FRMPD4: variants seen among roughly 807,000 people sequenced by gnomAD.
The protein encoded by FRMPD4 is FERM and PDZ domain-containing protein 4.
FRMPD4 carries 22 observed loss-of-function variants against 94.1 expected under a neutral mutation model. That is an observed-to-expected ratio of 0.23 (90% CI 0.17 to 0.33). FRMPD4 has a LOEUF of 0.33. Ranked by LOEUF, FRMPD4 falls within the 10% of genes least tolerant of loss-of-function variation. The probability of loss-of-function intolerance (pLI) is 1.00; values close to 1 mark genes in which losing one functional copy is unlikely to be tolerated. For missense variants in FRMPD4, 1,111 were observed against 1,339.9 expected (o/e 0.83, Z 2.67); for synonymous variants, 631 against 548.6 (o/e 1.15, Z -2.10).
In FRMPD4 at chrX:12,379,472, AAAAT is replaced by A. The variant is rs201872471; in HGVS notation, c.42-119201_42-119198del. ...TACTTATCATATAAATTGCAATTTAAAAATAAATAAGTCTGCTGCTCTTTAGATC... is the reference window on the plus strand; with the variant it reads ...TACTTATCATATAAATTGCAATTTAAAAATAAGTCTGCTGCTCTTTAGATC... On this transcript the variant is annotated intron_variant, in intron 1 of 16. Transcript: ENST00000675598. 9.5e-3 allele frequency among the ~76,000 whole-genome samples: 1,065 copies of A among 112,114 alleles called. 8 individuals carry two copies. The highest frequency in any genetic ancestry group is 0.031 in the African/African-American group (974 of 30,925).
intron 4 of FRMPD4, among the ~76,000 whole-genome samples, chrX:12,654,118 A>G (rs2059628487): frequency 8.9e-6 from 1 of 112,241 alleles, no homozygotes; most frequent in African/African-American, 3.2e-5. Flanking sequence ...AGATGAAAAA[A>G]AAATGAAACC....
chrX:12,676,985 C>G (rs906138346), intron 5 of FRMPD4, among the ~76,000 whole-genome samples: 3 of 111,934 alleles, frequency 2.7e-5, no homozygotes, highest in Non-Finnish European at 5.6e-5. Flanking sequence ...AGTCCCACCA[C>G]CTCCTCGGCC....
chrX:12,085,547 T>G (rs2055101493), intron 3 of FRMPD4, among the ~76,000 whole-genome samples: 1 of 110,660 alleles, frequency 9.0e-6, no homozygotes. Context: ...CTTAAAGAAA[T>G]TAGTGAATTA....
At chrX:12,076,796 C>T (rs1288059724) in intron 3 of FRMPD4, among the ~76,000 whole-genome samples, 1 of 111,264 alleles carries the variant, frequency 9.0e-6, no homozygotes, top group Non-Finnish European at 1.9e-5. Flanking sequence ...TCAAATTCCA[C>T]AAAACAACTC....
chrX:12,152,690 A>G (rs2055872487), intron 1 of FRMPD4, among the ~76,000 whole-genome samples: 1 of 111,559 alleles, frequency 9.0e-6, no homozygotes, highest in African/African-American at 3.2e-5. Flanking sequence ...TTATACAAGT[A>G]TAATAGAAAT....
intron 3 of FRMPD4, among the ~76,000 whole-genome samples, chrX:12,058,384 A>T (rs756719158): frequency 3.4e-4 from 38 of 111,059 alleles, no homozygotes; most frequent in Non-Finnish European, 6.0e-4. Flanking sequence ...GAGATGGGGG[A>T]ATGAGGGGAT....
At chrX:12,287,651 G>A (rs2054621769) in intron 1 of FRMPD4, among the ~76,000 whole-genome samples, 1 of 111,850 alleles carries the variant, frequency 8.9e-6, no homozygotes, top group Non-Finnish European at 1.9e-5. Flanking sequence ...GTGTTGAGTT[G>A]AGACCAAGTG....
chrX:12,595,651 C>G (rs1028696093), intron 2 of FRMPD4, among the ~76,000 whole-genome samples: 11 of 112,007 alleles, frequency 9.8e-5, no homozygotes, highest in African/African-American at 3.2e-4. Flanking sequence ...TAAAAATGTT[C>G]TTTGAGTTCT....
chrX:12,464,100 A>G (rs2057424809), intron 1 of FRMPD4, among the ~76,000 whole-genome samples: 1 of 111,853 alleles, frequency 8.9e-6, no homozygotes, highest in African/African-American at 3.2e-5. Context: ...GCTGACCCCT[A>G]GTATAGAACT....
intron 4 of FRMPD4, among the ~76,000 whole-genome samples, chrX:12,659,776 A>G (rs1248603828): frequency 1.8e-5 from 2 of 112,594 alleles, no homozygotes; most frequent in African/African-American, 6.4e-5. Flanking sequence ...CCTTTTATAC[A>G]TTTTAAATAG....
At chrX:12,388,850 T>TATATATAC (rs1491368741) in intron 1 of FRMPD4, among the ~76,000 whole-genome samples, 57 of 73,450 alleles carry the variant, frequency 7.8e-4, no homozygotes, top group African/African-American at 3.3e-3. Context: ...TATATATATA[T>TATATATAC]ACACACAATG....
At chrX:12,220,652 G>A (rs2056855379) in intron 1 of FRMPD4, among the ~76,000 whole-genome samples, 1 of 111,730 alleles carries the variant, frequency 9.0e-6, no homozygotes, top group Non-Finnish European at 1.9e-5. Flanking sequence ...TGTGTTCCCA[G>A]GAAATGAAAT....
chrX:12,715,256 T>A (rs961663463), intron 14 of FRMPD4, among the ~76,000 whole-genome samples: 2 of 112,151 alleles, frequency 1.8e-5, no homozygotes, highest in Non-Finnish European at 3.8e-5. Flanking sequence ...GTATTTAAAT[T>A]GGGGTTTTGT....
At chrX:12,328,469 T>C (rs1397506220) in intron 1 of FRMPD4, among the ~76,000 whole-genome samples, 1 of 111,530 alleles carries the variant, frequency 9.0e-6, no homozygotes, top group Non-Finnish European at 1.9e-5. Flanking sequence ...TTGACTGCAG[T>C]TGTGTGAGTG....
At chrX:12,198,097 T>G (rs1436138665) in intron 1 of FRMPD4, among the ~76,000 whole-genome samples, 1 of 112,156 alleles carries the variant, frequency 8.9e-6, no homozygotes, top group Non-Finnish European at 1.9e-5. Flanking sequence ...AGATTAATTC[T>G]AAATTTAATG....
chrX:12,250,368 A>G (rs938916789), intron 1 of FRMPD4, among the ~76,000 whole-genome samples: 5 of 111,283 alleles, frequency 4.5e-5, no homozygotes, highest in African/African-American at 1.6e-4. Context: ...TTCATGGCAA[A>G]ATAGACAGAT....
chrX:11,860,227 T>G (rs72612860), intron 1 of FRMPD4, among the ~76,000 whole-genome samples: 5,709 of 112,341 alleles, frequency 0.051, 196 homozygotes, highest in East Asian at 0.26. Flanking sequence ...GGTTCTTGGC[T>G]GTCTATTTTA....
chrX:12,231,370 G>A (rs1382035816), intron 1 of FRMPD4, among the ~76,000 whole-genome samples: 1 of 108,858 alleles, frequency 9.2e-6, no homozygotes, highest in African/African-American at 3.4e-5. Context: ...ATTAAATGAA[G>A]CAATACTTAT....
At chrX:12,007,196 T>C (rs2054558123) in intron 3 of FRMPD4, among the ~76,000 whole-genome samples, 1 of 111,329 alleles carries the variant, frequency 9.0e-6, no homozygotes, top group African/African-American at 3.3e-5. Flanking sequence ...CCAAAGCAGC[T>C]CTGTGGAAAG....
Sources: allele counts gnomAD v4.1 joint callset (sites outside exome capture counted in the v4.1 genomes callset), GRCh38; gene constraint gnomAD v4.1.1; transcripts MANE v1.5; gene names NCBI Gene and HGNC (gene_info 2026-07-23, HGNC 2026-07-21).